KLF8: variants seen among roughly 807,000 people sequenced by gnomAD.
KLF8 encodes KLF transcription factor 8.
In KLF8, 10 loss-of-function variants were observed where a neutral mutation model predicts 18.2. The observed-to-expected ratio is 0.55, with a 90% CI of 0.34 to 0.93. The LOEUF is 0.93. Ranked by LOEUF, KLF8 falls within the 40% of genes least tolerant of loss-of-function variation. KLF8 has a pLI of 0.02. For synonymous variants in KLF8, 109 were observed against 97.3 expected (o/e 1.12, Z -0.71); for missense variants, 264 against 277.9 (o/e 0.95, Z 0.36).
chrX:56,181,974 G>T, the KLF8 span, among the ~76,000 whole-genome samples: 5 of 111,045 alleles, frequency 4.5e-5, no homozygotes, highest in African/African-American at 1.6e-4. Context: ...TCTTCGTGGT[G>T]CTCTCTGTAT....
At chrX:56,136,219 A>C in the KLF8 span, among the ~76,000 whole-genome samples, 2 of 111,682 alleles carry the variant, frequency 1.8e-5, no homozygotes, top group Non-Finnish European at 3.8e-5. Flanking sequence ...CAAGCTACCA[A>C]TGCCTTTCTT....
At chrX:56,174,429 C>A in the KLF8 span, among the ~76,000 whole-genome samples, 3 of 111,984 alleles carry the variant, frequency 2.7e-5, no homozygotes, top group Non-Finnish European at 5.6e-5. Flanking sequence ...ACCAGCCTTG[C>A]ATCCCAGGGA....
chrX:56,131,789 G>T, the KLF8 span, among the ~76,000 whole-genome samples: 2 of 111,591 alleles, frequency 1.8e-5, no homozygotes, highest in Non-Finnish European at 3.8e-5. Context: ...AAGGGTGGAA[G>T]AAGATATTCC....
At chrX:56,034,046 G>A in the KLF8 span, among the ~76,000 whole-genome samples, 5 of 111,698 alleles carry the variant, frequency 4.5e-5, no homozygotes, top group African/African-American at 9.7e-5. Flanking sequence ...ATTTTTGTTC[G>A]TGTTGCCTAA....
intron 5 of KLF8, among the ~76,000 whole-genome samples, chrX:56,271,634 A>G (rs1395629484): frequency 2.7e-5 from 3 of 111,990 alleles, no homozygotes; most frequent in Admixed American, 9.5e-5. Flanking sequence ...TCCAGGCTGC[A>G]TTATTCAAAC....
the KLF8 span, among the ~76,000 whole-genome samples, chrX:56,160,297 C>A: frequency 1.8e-5 from 2 of 111,645 alleles, no homozygotes; most frequent in African/African-American, 6.5e-5. Context: ...CTAAGGAGAC[C>A]TTTACTTCCA....
chrX:56,264,804 T>G (rs2066944032), intron 2 of KLF8, among the ~76,000 whole-genome samples: 1 of 111,963 alleles, frequency 8.9e-6, no homozygotes, highest in Non-Finnish European at 1.9e-5. Context: ...TATGGTATGA[T>G]TTATAAACTA....
chrX:56,011,943 C>T, the KLF8 span, among the ~76,000 whole-genome samples: 3 of 111,398 alleles, frequency 2.7e-5, no homozygotes, highest in Admixed American at 1.9e-4. Flanking sequence ...ATAACAAGTT[C>T]TGAAATTCAG....
the KLF8 span, among the ~76,000 whole-genome samples, chrX:55,917,334 A>G: frequency 1.8e-5 from 2 of 112,040 alleles, no homozygotes; most frequent in Non-Finnish European, 3.8e-5. Flanking sequence ...TCAAGTTCCA[A>G]TAAAATGAAT....
At chrX:55,988,239 C>T in the KLF8 span, among the ~76,000 whole-genome samples, 3 of 110,760 alleles carry the variant, frequency 2.7e-5, no homozygotes, top group Non-Finnish European at 5.7e-5. Flanking sequence ...GCTTTTGTTG[C>T]CATTGCTTTT....
At chrX:56,089,237 C>T in the KLF8 span, among the ~76,000 whole-genome samples, 341 of 111,243 alleles carry the variant, frequency 3.1e-3, no homozygotes, top group African/African-American at 0.01. Flanking sequence ...CCAGAATTTA[C>T]GGGAAAGAAA....
chrX:56,199,941 T>C, the KLF8 span, among the ~76,000 whole-genome samples: 3 of 110,816 alleles, frequency 2.7e-5, no homozygotes, highest in African/African-American at 9.8e-5. Flanking sequence ...GAGACATGGA[T>C]CAAGCTGGAA....
the KLF8 span, among the ~76,000 whole-genome samples, chrX:56,157,617 G>C: frequency 2.7e-5 from 3 of 111,510 alleles, no homozygotes; most frequent in Non-Finnish European, 5.7e-5. Flanking sequence ...TTGTGGTTTT[G>C]ATTTGCAATT....
At chrX:56,270,405 AG>A in intron 5 of KLF8, 84 bp downstream of exon 5, 2 of 266,738 alleles carry the variant, frequency 7.5e-6, no homozygotes, top group Non-Finnish European at 1.1e-5. Flanking sequence ...AGAGAGGGGC[AG>A]AGAGAGAGAG....
At chrX:56,030,661 C>T in the KLF8 span, among the ~76,000 whole-genome samples, 1 of 108,268 alleles carries the variant, frequency 9.2e-6, no homozygotes, top group African/African-American at 3.4e-5. Flanking sequence ...GGAGGAGTTT[C>T]TCCTGCAGCT....
At chrX:55,936,624 TAGTC>T in the KLF8 span, among the ~76,000 whole-genome samples, 2 of 112,652 alleles carry the variant, frequency 1.8e-5, no homozygotes, top group African/African-American at 6.4e-5. Flanking sequence ...TTGCCTTTCT[TAGTC>T]AAAGAAAGGG....
intron 2 of KLF8, among the ~76,000 whole-genome samples, chrX:56,263,152 C>T (rs1333768252): frequency 3.6e-5 from 4 of 111,547 alleles, no homozygotes; most frequent in South Asian, 7.5e-4. Flanking sequence ...GTTTTATGTT[C>T]AGCAGAGCCA....
At chrX:56,117,177 C>T in the KLF8 span, among the ~76,000 whole-genome samples, 1 of 111,702 alleles carries the variant, frequency 9.0e-6, no homozygotes, top group Non-Finnish European at 1.9e-5. Flanking sequence ...TTGTGAGAAC[C>T]AGAGACTTTG....
chrX:55,968,646 C>T, the KLF8 span, among the ~76,000 whole-genome samples: 3 of 111,452 alleles, frequency 2.7e-5, no homozygotes, highest in East Asian at 2.8e-4. Flanking sequence ...ATGAGTCTCA[C>T]GAGATCTGAT....
Sources: allele counts gnomAD v4.1 joint callset (sites outside exome capture counted in the v4.1 genomes callset), GRCh38; gene constraint gnomAD v4.1.1; transcripts MANE v1.5; gene names NCBI Gene and HGNC (gene_info 2026-07-23, HGNC 2026-07-21).